The following OR5H14 variants were observed in gnomAD, a reference collection of about 807,000 sequenced individuals.
OR5H14 encodes olfactory receptor family 5 subfamily H member 14.
For missense variants in OR5H14, 392 were observed against 363.9 expected (o/e 1.08, Z -0.63); for synonymous variants, 155 against 130.6 (o/e 1.19, Z -1.28).
Position 98,150,967 on chromosome 3 carries a change from A to T in OR5H14, c.*649A>T, listed in dbSNP as rs1421822273. On this transcript the variant is annotated 3_prime_UTR_variant, in exon 2 of 2. Transcript: ENST00000641380. ...GTGCTTGTATGAGTAAGAACCATGC[A>T]GCCTCTAACTTCCTAAGATGGCTTC... The T allele has an allele frequency of 6.6e-6, 1 of 152,158 alleles. No homozygotes were observed. Among genetic ancestry groups the T allele is most frequent in the Admixed American group, 6.6e-5 (1 of 15,260 alleles). The allele number at this position is 152,158 out of a possible 1,614,324, so 9.4% of individuals were successfully genotyped here. A position where few individuals can be genotyped will look rare whatever the true frequency, so the allele number is the denominator to read the frequency against.
intron 1 of OR5H14, 140 bp downstream of exon 1, chr3:98,147,694 T>C (rs1239888486): frequency 6.6e-6 from 1 of 152,040 alleles, no homozygotes; most frequent in Admixed American, 6.6e-5. Flanking sequence ...TACTGTACTG[T>C]CTTTAGATTT....
rs1423359919 is a variant in OR5H14 at position 98,152,978 on chromosome 3, C to G, written c.*2660C>G. 1 of 152,134 alleles carries G rather than the reference C, an allele frequency of 6.6e-6. No individual in the cohort carries two copies. Among genetic ancestry groups the G allele is most frequent in the African/African-American group, 2.4e-5 (1 of 41,416 alleles). The allele number at this position is 152,134 out of a possible 1,614,324, so 9.4% of individuals were successfully genotyped here. A position where few individuals can be genotyped will look rare whatever the true frequency, so the allele number is the denominator to read the frequency against. On this transcript the variant is annotated 3_prime_UTR_variant, in exon 2 of 2. Coordinates refer to ENST00000641380, the MANE Select transcript of OR5H14 (RefSeq NM_001005514.2). Reference sequence around the variant, plus strand: ...CTCAATTATAGGATACTGACCAACACTCAGGCACATGGAGCACTTTCTCAC... The same window carrying G: ...CTCAATTATAGGATACTGACCAACAGTCAGGCACATGGAGCACTTTCTCAC...
chr3:98,147,891 A>G (rs1209533021), intron 1 of OR5H14: 1 of 152,050 alleles, frequency 6.6e-6, no homozygotes, highest in Non-Finnish European at 1.5e-5. Context: ...TTATTCTGAT[A>G]TAAGTACCCA....
Position 98,153,302 on chromosome 3 carries a change from C to T in OR5H14, c.*2984C>T, listed in dbSNP as rs1009546589. The stretch of plus-strand genomic sequence containing the variant: ...ACAAATAAAAGTTAATGGTTATAGG[C>T]TAGGCACAGTGGCTCACGCCTCTAA... On this transcript the variant is annotated 3_prime_UTR_variant, in exon 2 of 2. Transcript: ENST00000641380. 1 of 152,232 alleles carries T rather than the reference C, an allele frequency of 6.6e-6. No homozygotes were observed. The highest frequency in any genetic ancestry group is 1.5e-5 in the Non-Finnish European group (1 of 68,084). 9.4% of individuals were successfully genotyped at this position (152,232 alleles called of 1,614,324 possible). A position where few individuals can be genotyped will look rare whatever the true frequency, so the allele number is the denominator to read the frequency against.
Position 98,155,116 on chromosome 3 carries a change from C to G in OR5H14, c.*4798C>G, listed in dbSNP as rs1267531734. On this transcript the variant is annotated 3_prime_UTR_variant, in exon 2 of 2. Coordinates refer to ENST00000641380, the MANE Select transcript of OR5H14 (RefSeq NM_001005514.2). Reference sequence around the variant, plus strand: ...AGGACTCCTCTAGTTTTGTGACCACCCCCCTGCTGCAGGATCCACAAGAAG... The same window carrying G: ...AGGACTCCTCTAGTTTTGTGACCACGCCCCTGCTGCAGGATCCACAAGAAG... 6.8e-6 allele frequency: 1 copy of G among 146,072 alleles called. No individual in the cohort carries two copies. Among genetic ancestry groups the G allele is most frequent in the African/African-American group, 2.6e-5 (1 of 38,676 alleles). The allele number at this position is 146,072 out of a possible 1,614,324, so 9.0% of individuals were successfully genotyped here. A position where few individuals can be genotyped will look rare whatever the true frequency, so the allele number is the denominator to read the frequency against.
chr3:98,149,380 G>A lies in OR5H14; in HGVS notation c.-6G>A. On this transcript the variant is annotated 5_prime_UTR_variant, in exon 2 of 2. An upstream open reading frame in the 5' UTR loses its in-frame stop. Coordinates refer to ENST00000641380, the MANE Select transcript of OR5H14 (RefSeq NM_001005514.2). ...CATTTTATTTTAGAGGACATGCAGTGAGGACATGGAAGAGGAAAATGCAAC... is the reference window on the plus strand; with the variant it reads ...CATTTTATTTTAGAGGACATGCAGTAAGGACATGGAAGAGGAAAATGCAAC... 1 of 1,612,044 alleles carries A rather than the reference G, an allele frequency of 6.2e-7. No individual in the cohort carries two copies. The highest frequency in any genetic ancestry group is 8.5e-7 in the Non-Finnish European group (1 of 1,178,646).
In OR5H14 at chr3:98,155,577, G is replaced by GGACA. The variant is rs1559809732; in HGVS notation, c.*5259_*5260insGACA. On this transcript the variant is annotated 3_prime_UTR_variant, in exon 2 of 2. Coordinates refer to ENST00000641380, the MANE Select transcript of OR5H14 (RefSeq NM_001005514.2). ...GTTTTTATTTTTTCCTCCCCCTGATGTTTGCCTGTTAACATTTCTCAACAG... is the reference window on the plus strand; with the variant it reads ...GTTTTTATTTTTTCCTCCCCCTGATGGACATTTGCCTGTTAACATTTCTCAACAG... 33 of 152,170 alleles carry GGACA rather than the reference G, an allele frequency of 2.2e-4. No homozygotes were observed. Among genetic ancestry groups the GGACA allele is most frequent in the African/African-American group, 7.2e-4 (30 of 41,518 alleles). The allele number at this position is 152,170 out of a possible 1,614,324, so 9.4% of individuals were successfully genotyped here.
At position 98,154,433 on chromosome 3, in the gene OR5H14, A is replaced by C. The variant is rs1708555396; in HGVS notation, c.*4115A>C. The C allele has an allele frequency of 6.6e-6, 1 of 152,242 alleles. No individual in the cohort carries two copies. Among genetic ancestry groups the C allele is most frequent in the Non-Finnish European group, 1.5e-5 (1 of 68,044 alleles). 9.4% of individuals were successfully genotyped at this position (152,242 alleles called of 1,614,324 possible). A position where few individuals can be genotyped will look rare whatever the true frequency, so the allele number is the denominator to read the frequency against. On this transcript the variant is annotated 3_prime_UTR_variant, in exon 2 of 2. Transcript: ENST00000641380. The stretch of plus-strand genomic sequence containing the variant: ...CTGGAAGAATTCTAAATTCCACAGA[A>C]AATGTCTGGCACTTTTGTTTGGGAC...
Position 98,150,227 on chromosome 3 carries a change from T to C in OR5H14, c.842T>C (p.Ile281Thr), listed in dbSNP as rs769332187. The C allele has an allele frequency of 8.1e-6, 13 of 1,612,094 alleles. No individual in the cohort carries two copies. The highest frequency in any genetic ancestry group is 1.1e-5 in the Non-Finnish European group (13 of 1,179,048). The part of the protein sequence containing the change: ...DMMESLFYTV[I>T]VPLLNPMIYS... ...ATGGAGTCTCTATTTTACACTGTCA[T>C]AGTTCCTTTATTAAATCCCATGATC... is the stretch of plus-strand genomic sequence containing the variant. Residue 281 changes from isoleucine to threonine, a missense_variant, in exon 2 of 2, where the codon ATA becomes ACA. Transcript: ENST00000641380.
Position 98,150,830 on chromosome 3 carries a change from T to C in OR5H14, c.*512T>C, listed in dbSNP as rs1708497266. The C allele has an allele frequency of 6.6e-6, 1 of 152,354 alleles. No individual in the cohort carries two copies. The highest frequency in any genetic ancestry group is 2.4e-5 in the African/African-American group (1 of 41,458). The allele number at this position is 152,354 out of a possible 1,614,324, so 9.4% of individuals were successfully genotyped here. A position where few individuals can be genotyped will look rare whatever the true frequency, so the allele number is the denominator to read the frequency against. ...TCACTTCTTGTAGGAAGTCAACTCA[T>C]ATATCAAATAAAGAAGCAGAAATGG... On this transcript the variant is annotated 3_prime_UTR_variant, in exon 2 of 2. Transcript: ENST00000641380.
rs148429621 is a variant in OR5H14 at position 98,149,910 on chromosome 3, A to T, written c.525A>T (p.Gln175His). The part of the protein sequence containing the change: ...RLTFCNSNII[Q>H]HFYCDIIPLL... Reference sequence around the variant, plus strand: ...CCTTCTGTAACTCCAACATAATACAACACTTTTACTGTGACATTATCCCAT... The same window carrying T: ...CCTTCTGTAACTCCAACATAATACATCACTTTTACTGTGACATTATCCCAT... Residue 175 changes from glutamine to histidine, a missense_variant, in exon 2 of 2, where the codon CAA (glutamine) becomes CAT (histidine). Coordinates refer to ENST00000641380, the MANE Select transcript of OR5H14 (RefSeq NM_001005514.2). The T allele has an allele frequency of 1.2e-6, 2 of 1,611,932 alleles. No homozygotes were observed. The highest frequency in any genetic ancestry group is 1.1e-5 in the South Asian group (1 of 90,982).
chr3:98,147,529 A>G lies in OR5H14; in HGVS notation c.-44A>G, dbSNP rs1708437100. The G allele has an allele frequency of 6.6e-6, 1 of 152,148 alleles. No individual in the cohort carries two copies. Among genetic ancestry groups the G allele is most frequent in the African/African-American group, 2.4e-5 (1 of 41,454 alleles). 9.4% of individuals were successfully genotyped at this position (152,148 alleles called of 1,614,324 possible). On this transcript the variant is annotated 5_prime_UTR_variant, in exon 1 of 2. The change creates a new upstream start codon in the 5' untranslated region. Coordinates refer to ENST00000641380, the MANE Select transcript of OR5H14 (RefSeq NM_001005514.2). ...AGAAAGTGTAACACGTTTAAAGGAT[A>G]TCCACAATTTCTTTCAAAAATATGG...
At position 98,150,248 on chromosome 3, in the gene OR5H14, T is replaced by C; in HGVS notation, c.863T>C (p.Met288Thr). The change falls in exon 2 of 2, where the codon ATG (methionine) becomes ACG (threonine). Residue 288 changes from methionine (M) to threonine (T), a missense_variant. By Grantham distance (81) the Met-to-Thr change is moderately conservative. Transcript: ENST00000641380. ...YTVIVPLLNP[M>T]IYSLRNKQVI... Reference sequence around the variant, plus strand: ...GTCATAGTTCCTTTATTAAATCCCATGATCTACAGCCTGAGAAACAAGCAA... The same window carrying C: ...GTCATAGTTCCTTTATTAAATCCCACGATCTACAGCCTGAGAAACAAGCAA... The C allele has an allele frequency of 6.2e-7, 1 of 1,610,460 alleles. No individual in the cohort carries two copies. The highest frequency in any genetic ancestry group is 8.5e-7 in the Non-Finnish European group (1 of 1,178,538).
In OR5H14 at chr3:98,152,225, G is replaced by T. The variant is rs1576106411; in HGVS notation, c.*1907G>T. 6.6e-6 allele frequency: 1 copy of T among 152,144 alleles called. No individual in the cohort carries two copies. The highest frequency in any genetic ancestry group is 2.4e-5 in the African/African-American group (1 of 41,416). The allele number at this position is 152,144 out of a possible 1,614,324, so 9.4% of individuals were successfully genotyped here. A position where few individuals can be genotyped will look rare whatever the true frequency, so the allele number is the denominator to read the frequency against. ...TGGGAGTGTAATTAGTTCAACCTTT[G>T]TGGAAGACAGTGCGGTGATTCCTTA... On this transcript the variant is annotated 3_prime_UTR_variant, in exon 2 of 2. Coordinates refer to ENST00000641380, the MANE Select transcript of OR5H14 (RefSeq NM_001005514.2).
chr3:98,156,354 T>C lies in OR5H14; in HGVS notation c.*6036T>C, dbSNP rs1444510168. ...CTATTTAATATATAATGTTTGTATT[T>C]GGATCACAGCATGCTAAGATTGCTG... On this transcript the variant is annotated 3_prime_UTR_variant, in exon 2 of 2. Coordinates refer to ENST00000641380, the MANE Select transcript of OR5H14 (RefSeq NM_001005514.2). The C allele has an allele frequency of 6.6e-6, 1 of 152,186 alleles. No individual in the cohort carries two copies. The highest frequency in any genetic ancestry group is 1.9e-4 in the East Asian group (1 of 5,204). 9.4% of individuals were successfully genotyped at this position (152,186 alleles called of 1,614,324 possible).
rs1708515094 is a variant in OR5H14, at chr3:98,151,995, T to C, written c.*1677T>C. 3 of 152,126 alleles carry C rather than the reference T, an allele frequency of 2.0e-5. No individual in the cohort carries two copies. The highest frequency in any genetic ancestry group is 2.0e-4 in the Admixed American group (3 of 15,274). The allele number at this position is 152,126 out of a possible 1,614,324, so 9.4% of individuals were successfully genotyped here. A position where few individuals can be genotyped will look rare whatever the true frequency, so the allele number is the denominator to read the frequency against. ...ACCCTATCAAAATATGGGTGAAGAA[T>C]ATGAACAGACAGTTCTCAAAAGAAG... On this transcript the variant is annotated 3_prime_UTR_variant, in exon 2 of 2. Transcript: ENST00000641380.
Position 98,151,317 on chromosome 3 carries a change from G to A in OR5H14, c.*999G>A, listed in dbSNP as rs1708504524. The A allele has an allele frequency of 6.6e-6, 1 of 152,042 alleles. No homozygotes were observed. The highest frequency in any genetic ancestry group is 2.4e-5 in the African/African-American group (1 of 41,418). The allele number at this position is 152,042 out of a possible 1,614,324, so 9.4% of individuals were successfully genotyped here. A position where few individuals can be genotyped will look rare whatever the true frequency, so the allele number is the denominator to read the frequency against. On this transcript the variant is annotated 3_prime_UTR_variant, in exon 2 of 2. Coordinates refer to ENST00000641380, the MANE Select transcript of OR5H14 (RefSeq NM_001005514.2). ...TTGGAGAGAAAAACATGAAAATGAG[G>A]AAGAGTTCGGATATTTTCTACTTCA...
Position 98,155,761 on chromosome 3 carries a change from A to G in OR5H14, c.*5443A>G, listed in dbSNP as rs1355596897. The stretch of plus-strand genomic sequence containing the variant: ...TTTTGACCAGCTCTGATGAGACCAT[A>G]TTAATCACAGCATTCAAAGCATCCT... On this transcript the variant is annotated 3_prime_UTR_variant, in exon 2 of 2. Coordinates refer to ENST00000641380, the MANE Select transcript of OR5H14 (RefSeq NM_001005514.2). 1 of 152,180 alleles carries G rather than the reference A, an allele frequency of 6.6e-6. No homozygotes were observed. The highest frequency in any genetic ancestry group is 1.5e-5 in the Non-Finnish European group (1 of 68,022). 9.4% of individuals were successfully genotyped at this position (152,180 alleles called of 1,614,324 possible).
chr3:98,150,638 TAA>T lies in OR5H14; in HGVS notation c.*321_*322del. 1 of 177,312 alleles carries T rather than the reference TAA, an allele frequency of 5.6e-6. No homozygotes were observed. Among genetic ancestry groups the T allele is most frequent in the Non-Finnish European group, 1.2e-5 (1 of 84,320 alleles). The allele number at this position is 177,312 out of a possible 1,614,324, so 11.0% of individuals were successfully genotyped here. A position where few individuals can be genotyped will look rare whatever the true frequency, so the allele number is the denominator to read the frequency against. On this transcript the variant is annotated 3_prime_UTR_variant, in exon 2 of 2. Coordinates refer to ENST00000641380, the MANE Select transcript of OR5H14 (RefSeq NM_001005514.2). ...TAGTCTAGTTTATCTGATAAGCACT[TAA>T]GTATGATGTTTTTGATACTAACACA...
Sources: gnomAD v4.1 joint callset for allele counts on GRCh38, gnomAD v4.1.1 for gene constraint, MANE v1.5 for transcripts, NCBI Gene and HGNC (gene_info 2026-07-23, HGNC 2026-07-21) for gene names.